The following MAST4 variants were observed in gnomAD, a reference collection of about 807,000 sequenced individuals.
The protein encoded by MAST4 is microtubule-associated serine/threonine-protein kinase 4.
A neutral mutation model predicts 162.7 loss-of-function variants in MAST4; 89 were observed. The observed-to-expected ratio is 0.55, with a 90% CI of 0.46 to 0.65. The LOEUF (loss-of-function observed/expected upper bound fraction) is 0.65, where lower values mean the gene tolerates loss of function less well. Ranked by LOEUF, MAST4 falls within the 30% of genes least tolerant of loss-of-function variation. The probability of loss-of-function intolerance (pLI) is 0.00; values close to 1 mark genes in which losing one functional copy is unlikely to be tolerated. For missense variants in MAST4, 3,153 were observed against 3,374.0 expected (o/e 0.93, Z 1.62); for synonymous variants, 1,479 against 1,361.1 (o/e 1.09, Z -1.91).
chr5:66,824,330 CCTCT>C (rs1259682034), intron 3 of MAST4, among the ~76,000 whole-genome samples: 1 of 152,192 alleles, frequency 6.6e-6, no homozygotes, highest in Non-Finnish European at 1.5e-5. Context: ...CAGTGGTACT[CCTCT>C]CTGTCACACT....
chr5:66,724,118 T>C (rs563748709), intron 1 of MAST4, among the ~76,000 whole-genome samples: 1 of 152,314 alleles, frequency 6.6e-6, no homozygotes, highest in East Asian at 1.9e-4. Context: ...AACATGCTGA[T>C]TGCATGTTGG....
intron 4 of MAST4, among the ~76,000 whole-genome samples, chr5:67,049,020 T>TATATAC (rs1561576121): frequency 9.7e-6 from 1 of 102,924 alleles, no homozygotes; most frequent in African/African-American, 4.1e-5. Context: ...TATATATATA[T>TATATAC]ACGTATATAT....
intron 4 of MAST4, among the ~76,000 whole-genome samples, chr5:67,048,657 A>G (rs1309598431): frequency 6.6e-6 from 1 of 152,098 alleles, no homozygotes; most frequent in East Asian, 1.9e-4. Flanking sequence ...CTTGGGGTGG[A>G]CATTAATTGT....
At chr5:67,016,583 C>G (rs1176509874) in intron 4 of MAST4, among the ~76,000 whole-genome samples, 1 of 152,200 alleles carries the variant, frequency 6.6e-6, no homozygotes, top group Non-Finnish European at 1.5e-5. Flanking sequence ...TGCTGATTCT[C>G]TTTCCTATTA....
Position 66,896,756 on chromosome 5 carries a change from T to C in MAST4, c.643-3195T>C, listed in dbSNP as rs145757219. Among the ~76,000 whole-genome samples, 907 of 152,308 alleles carry C rather than the reference T, an allele frequency of 6.0e-3. 5 individuals are homozygous for C. The highest frequency in any genetic ancestry group is 0.01 in the Non-Finnish European group (693 of 68,026). On this transcript the variant is annotated intron_variant, in intron 3 of 28. Transcript: ENST00000403625. Reference sequence around the variant, plus strand: ...TTCTCCCCTGTCTTCATGAATGAGATAGTTGCCTTCTCTTTTTGAAGCTAA... The same window carrying C: ...TTCTCCCCTGTCTTCATGAATGAGACAGTTGCCTTCTCTTTTTGAAGCTAA...
In MAST4 at chr5:67,023,958, G is replaced by A. The variant is rs1459463678; in HGVS notation, c.675-30446G>A. ...AATTTACCATCTTGGCCATTTTTAA[G>A]TGTACACTTTAGTAGTGTTAAGTAC... On this transcript the variant is annotated intron_variant, in intron 4 of 28. Transcript: ENST00000403625. 2.0e-5 allele frequency among the ~76,000 whole-genome samples: 3 copies of A among 151,764 alleles called. No individual in the cohort carries two copies. The South Asian group carries it at 6.2e-4, about 32-fold the overall frequency.
intron 7 of MAST4, among the ~76,000 whole-genome samples, chr5:67,099,848 C>T (rs963245399): frequency 1.3e-5 from 2 of 151,930 alleles, no homozygotes; most frequent in African/African-American, 4.8e-5. Flanking sequence ...ATCTCAGCCC[C>T]CTACTCCCTC....
chr5:67,043,977 A>C (rs1757073589), intron 4 of MAST4, among the ~76,000 whole-genome samples: 1 of 151,948 alleles, frequency 6.6e-6, no homozygotes, highest in South Asian at 2.1e-4. Flanking sequence ...CTTTCCCCCA[A>C]CTTTGCTACT....
chr5:66,896,644 T>C (rs1023171598), intron 3 of MAST4, among the ~76,000 whole-genome samples: 1 of 152,260 alleles, frequency 6.6e-6, no homozygotes, highest in African/African-American at 2.4e-5. Context: ...TATTGTTTTG[T>C]TTGTCTATGA....
chr5:66,848,562 T>C (rs1000667865), intron 3 of MAST4, among the ~76,000 whole-genome samples: 1 of 152,346 alleles, frequency 6.6e-6, no homozygotes, highest in Non-Finnish European at 1.5e-5. Context: ...AAATAGCTGA[T>C]GTGGCAAGTC....
chr5:66,980,345 T>C lies in MAST4; in HGVS notation c.675-74059T>C, dbSNP rs540104298. ...TAAGGTAGTTTACAATAGAAACATA[T>C]ATGAAATTAGTTAAAAAGGATAAGC... On this transcript the variant is annotated intron_variant, in intron 4 of 28. Coordinates refer to ENST00000403625, the MANE Select transcript of MAST4 (RefSeq NM_001164664.2). 6.6e-5 allele frequency among the ~76,000 whole-genome samples: 10 copies of C among 152,316 alleles called. No individual in the cohort carries two copies. The South Asian group carries it at 2.1e-3, about 32-fold the overall frequency.
chr5:66,975,776 C>G (rs532370424), intron 4 of MAST4, among the ~76,000 whole-genome samples: 14 of 152,192 alleles, frequency 9.2e-5, no homozygotes, highest in African/African-American at 2.9e-4. Flanking sequence ...GGTGGATCAC[C>G]TGAGGTCAGG....
At chr5:66,979,800 A>G (rs1334974543) in intron 4 of MAST4, among the ~76,000 whole-genome samples, 1 of 152,214 alleles carries the variant, frequency 6.6e-6, no homozygotes, top group East Asian at 1.9e-4. Context: ...GTGAGAAACA[A>G]TGGTTATTGG....
At chr5:67,080,568 C>T (rs1762481977) in intron 5 of MAST4, among the ~76,000 whole-genome samples, 1 of 151,942 alleles carries the variant, frequency 6.6e-6, no homozygotes, top group African/African-American at 2.4e-5. Context: ...ATGTACAGAA[C>T]ATAAATGAAA....
At position 66,725,318 on chromosome 5, in the gene MAST4, T is replaced by C. The variant is rs554704283; in HGVS notation, c.364-34391T>C. ...ACTTAAAGAACACATGCATAGTTTA[T>C]CCTTCTCGTTACATTTTTGATTTTT... On this transcript the variant is annotated intron_variant, in intron 1 of 28. Transcript: ENST00000403625. Among the ~76,000 whole-genome samples, 11 of 152,288 alleles carry C rather than the reference T, an allele frequency of 7.2e-5. No homozygotes were observed. In the South Asian group the frequency reaches 8.3e-4, roughly 11 times the overall value.
chr5:67,143,010 C>T (rs180916923), intron 21 of MAST4: 59 of 156,598 alleles, frequency 3.8e-4, no homozygotes, highest in African/African-American at 1.0e-3. Context: ...ATGAAGAGCG[C>T]GAGCTTCACT....
intron 4 of MAST4, among the ~76,000 whole-genome samples, chr5:67,024,922 T>C (rs920021460): frequency 6.6e-6 from 1 of 152,098 alleles, no homozygotes; most frequent in Non-Finnish European, 1.5e-5. Context: ...TCTTGTTTTA[T>C]ATAACTGTGT....
intron 4 of MAST4, among the ~76,000 whole-genome samples, chr5:67,036,924 A>G (rs1464451933): frequency 6.6e-6 from 1 of 152,170 alleles, no homozygotes; most frequent in Non-Finnish European, 1.5e-5. Flanking sequence ...CAGGGTTTTT[A>G]GGAGAAAGAG....
rs188475566 is a variant in MAST4, at chr5:67,054,379, T to C, written c.675-25T>C. 131 of 1,570,284 alleles carry C rather than the reference T, an allele frequency of 8.3e-5. No homozygotes were observed. In the East Asian group the frequency reaches 2.8e-3, roughly 33 times the overall value. ...TATTGATGCTATATTCTTTTTAAACTTTGTTTTTTCTTTCTTTTTGATAGT... is the reference window on the plus strand; with the variant it reads ...TATTGATGCTATATTCTTTTTAAACCTTGTTTTTTCTTTCTTTTTGATAGT... On this transcript the variant is annotated intron_variant, in intron 4 of 28. Coordinates refer to ENST00000403625, the MANE Select transcript of MAST4 (RefSeq NM_001164664.2).
Sources: gnomAD v4.1 joint callset for allele counts (sites outside exome capture counted in the v4.1 genomes callset) on GRCh38, gnomAD v4.1.1 for gene constraint, MANE v1.5 for transcripts, NCBI Gene and HGNC (gene_info 2026-07-23, HGNC 2026-07-21) for gene names.